DOCK2: variants seen among roughly 807,000 people sequenced by gnomAD.
DOCK2 encodes the protein dedicator of cytokinesis 2, also known as dedicator of cytokinesis protein 2.
Under a neutral mutation model 248.9 loss-of-function variants are expected in DOCK2, and 87 were observed. The observed-to-expected ratio is 0.35, with a 90% CI of 0.29 to 0.42. DOCK2 has a LOEUF of 0.42. Among genes scored for constraint, DOCK2 ranks in the 10% least tolerant of loss-of-function variants. DOCK2 has a pLI of 1.00. For synonymous variants in DOCK2, 805 were observed against 821.6 expected (o/e 0.98, Z 0.35); for missense variants, 1,747 against 2,300.2 (o/e 0.76, Z 4.92).
intron 22 of DOCK2, among the ~76,000 whole-genome samples, chr5:169,721,023 G>C (rs534253582): frequency 6.6e-5 from 10 of 152,246 alleles, no homozygotes; most frequent in African/African-American, 2.4e-4. Flanking sequence ...CGCCCAGCCA[G>C]TATAACTCTC....
chr5:169,910,738 G>A (rs1366566437), intron 27 of DOCK2, among the ~76,000 whole-genome samples: 1 of 152,200 alleles, frequency 6.6e-6, no homozygotes, highest in Non-Finnish European at 1.5e-5. Flanking sequence ...GTCTCCTGGA[G>A]GAATTTGGAC....
At chr5:169,943,824 T>TGG (rs1428474486) in intron 27 of DOCK2, among the ~76,000 whole-genome samples, 1 of 152,208 alleles carries the variant, frequency 6.6e-6, no homozygotes, top group Admixed American at 6.5e-5. Flanking sequence ...AAGGTGACTC[T>TGG]GACGCTCATT....
intron 22 of DOCK2, among the ~76,000 whole-genome samples, chr5:169,723,178 C>T (rs962310456): frequency 6.6e-6 from 1 of 152,202 alleles, no homozygotes; most frequent in African/African-American, 2.4e-5. Context: ...TAACCCTGAT[C>T]TCCTGCTTCC....
chr5:170,001,621 G>A (rs1277141795), intron 30 of DOCK2, among the ~76,000 whole-genome samples: 2 of 152,110 alleles, frequency 1.3e-5, no homozygotes, highest in Admixed American at 6.5e-5. Flanking sequence ...TTTTTAGGGA[G>A]GATTTAACCA....
intron 25 of DOCK2, among the ~76,000 whole-genome samples, chr5:169,795,281 T>C (rs1231345684): frequency 6.6e-6 from 1 of 152,204 alleles, no homozygotes; most frequent in African/African-American, 2.4e-5. Flanking sequence ...CTATATTTTC[T>C]CCCTTCTAAG....
chr5:169,973,996 G>A (rs996204120), intron 27 of DOCK2, among the ~76,000 whole-genome samples: 11 of 152,182 alleles, frequency 7.2e-5, no homozygotes, highest in Admixed American at 5.9e-4. Flanking sequence ...CAGGGGGAGA[G>A]GTGGTGAGGT....
rs536792410 is a variant in DOCK2 at position 169,834,705 on chromosome 5, C to G, written c.2704-6052C>G. On this transcript the variant is annotated intron_variant, in intron 26 of 51. Coordinates refer to ENST00000520908, the MANE Select transcript of DOCK2 (RefSeq NM_004946.3). ...AGTGCTCTCCAGCTAAATGTCCCAA[C>G]CAGATCACCCTGCAATAAGCTCACA... is the stretch of plus-strand genomic sequence containing the variant. 3.2e-3 allele frequency among the ~76,000 whole-genome samples: 483 copies of G among 152,052 alleles called. 2 individuals are homozygous for G. Among genetic ancestry groups the G allele is most frequent in the African/African-American group, 0.011 (464 of 41,450 alleles).
chr5:169,923,373 G>A (rs945858606), intron 27 of DOCK2, among the ~76,000 whole-genome samples: 7 of 152,086 alleles, frequency 4.6e-5, no homozygotes, highest in Non-Finnish European at 7.3e-5. Context: ...AGGGGCATAC[G>A]CAGAAAACAC....
At position 170,049,736 on chromosome 5, in the gene DOCK2, G is replaced by A. The variant is rs574228249; in HGVS notation, c.4072-520G>A. On this transcript the variant is annotated intron_variant, in intron 40 of 51. Transcript: ENST00000520908. ...CCAAAAAACGTTTCCAGATACTGCC[G>A]ATGTCCCTTGGGGGACAACATCACC... Among the ~76,000 whole-genome samples the A allele has an allele frequency of 1.6e-3, 251 of 152,296 alleles. 2 individuals carry two copies. The highest frequency in any genetic ancestry group is 5.6e-3 in the African/African-American group (232 of 41,562).
rs766534915 is a variant in DOCK2 at position 170,077,705 on chromosome 5, C to T, written c.4867-5C>T. 44 of 1,613,554 alleles carry T rather than the reference C, an allele frequency of 2.7e-5. No individual in the cohort carries two copies. Among genetic ancestry groups the T allele is most frequent in the Non-Finnish European group, 3.6e-5 (43 of 1,179,798 alleles). On this transcript the variant is annotated splice_polypyrimidine_tract_variant and splice_region_variant and intron_variant, in intron 47 of 51. Coordinates refer to ENST00000520908, the MANE Select transcript of DOCK2 (RefSeq NM_004946.3). Reference sequence around the variant, plus strand: ...GCTGCTAACCACCCTGTTCTCCCACCACAGCCTGACTTTGACGACAGGAGA... The same window carrying T: ...GCTGCTAACCACCCTGTTCTCCCACTACAGCCTGACTTTGACGACAGGAGA...
At chr5:169,786,975 A>T (rs1324029811) in intron 25 of DOCK2, among the ~76,000 whole-genome samples, 1 of 152,252 alleles carries the variant, frequency 6.6e-6, no homozygotes, top group Non-Finnish European at 1.5e-5. Context: ...ACAGTAGCTT[A>T]TACTTTTATA....
At chr5:169,765,127 T>G (rs994781150) in intron 25 of DOCK2, among the ~76,000 whole-genome samples, 2 of 151,872 alleles carry the variant, frequency 1.3e-5, no homozygotes, top group East Asian at 3.9e-4. Context: ...TTTTCCTTGT[T>G]TTCTTTATGG....
intron 25 of DOCK2, among the ~76,000 whole-genome samples, chr5:169,785,325 C>A (rs1765927769): frequency 6.6e-6 from 1 of 152,110 alleles, no homozygotes; most frequent in Admixed American, 6.5e-5. Context: ...GCCTTTTTAT[C>A]CTTCCTAAGA....
chr5:169,849,640 T>G (rs1004130113), intron 27 of DOCK2, among the ~76,000 whole-genome samples: 2 of 152,240 alleles, frequency 1.3e-5, no homozygotes, highest in African/African-American at 4.8e-5. Context: ...CCACAAAAAC[T>G]CTAAACTTAG....
At chr5:169,989,779 A>T (rs1238055028) in intron 29 of DOCK2, among the ~76,000 whole-genome samples, 1 of 152,238 alleles carries the variant, frequency 6.6e-6, no homozygotes, top group Non-Finnish European at 1.5e-5. Context: ...GTGGGAACTA[A>T]AATGAAGTAA....
chr5:169,664,556 G>C (rs1758614786), intron 2 of DOCK2, among the ~76,000 whole-genome samples: 1 of 152,192 alleles, frequency 6.6e-6, no homozygotes, highest in South Asian at 2.1e-4. Flanking sequence ...TAATTGACTT[G>C]CAGTTCTGCA....
At chr5:170,045,739 C>T (rs993906900) in intron 38 of DOCK2, 77 bp from the exon 39 acceptor site, 4 of 1,386,294 alleles carry the variant, frequency 2.9e-6, no homozygotes, top group Non-Finnish European at 3.1e-6. Flanking sequence ...CACAGCTACG[C>T]CTGAGTCCCT....
At chr5:170,071,096 C>T (rs1757665978) in intron 46 of DOCK2, among the ~76,000 whole-genome samples, 1 of 152,170 alleles carries the variant, frequency 6.6e-6, no homozygotes, top group Non-Finnish European at 1.5e-5. Flanking sequence ...TCCCTCCCAC[C>T]CAGCGCCCAG....
chr5:170,035,396 C>CT (rs966421516), intron 35 of DOCK2, among the ~76,000 whole-genome samples: 27 of 151,784 alleles, frequency 1.8e-4, no homozygotes, highest in East Asian at 7.7e-4. Context: ...CCTAAATAGA[C>CT]TTTTTTTTTC....
Sources: gnomAD v4.1 joint callset for allele counts (sites outside exome capture counted in the v4.1 genomes callset) on GRCh38, gnomAD v4.1.1 for gene constraint, MANE v1.5 for transcripts, NCBI Gene and HGNC (gene_info 2026-07-23, HGNC 2026-07-21) for gene names.